Variants in GAS2 observed in about 807,000 individuals in gnomAD.
GAS2 encodes the protein growth arrest specific 2.
In GAS2, 20 loss-of-function variants were observed where a neutral mutation model predicts 37.5. The observed-to-expected ratio is 0.53, with a 90% CI of 0.37 to 0.77. The LOEUF (loss-of-function observed/expected upper bound fraction) is 0.77, where lower values mean the gene tolerates loss of function less well. Among genes scored for constraint, GAS2 ranks in the 30% least tolerant of loss-of-function variants. GAS2 has a pLI of 0.00. For synonymous variants in GAS2, 144 were observed against 132.2 expected (o/e 1.09, Z -0.61); for missense variants, 336 against 373.4 (o/e 0.90, Z 0.82).
intron 3 of GAS2, among the ~76,000 whole-genome samples, chr11:22,696,794 GT>G (rs1312553707): frequency 6.6e-6 from 1 of 151,822 alleles, no homozygotes; most frequent in Non-Finnish European, 1.5e-5. Flanking sequence ...GGAGTTGTTT[GT>G]TTTTTTCTTG....
rs146140003 is a variant in GAS2, at chr11:22,685,750, G to T, written c.228G>T (p.Glu76Asp). Residue 76 changes from glutamate (E) to aspartate (D), a missense_variant, in exon 3 of 8, where the codon GAG (glutamate) becomes GAT (aspartate). Transcript: ENST00000454584. ...LLCQLAETMQ[E>D]KFKESMDANK... is the part of the protein sequence containing the mutation. ...GTCAACTTGCAGAAACTATGCAGGA[G>T]AAATTCAAGGAGAGCATGGATGCTA... 46 of 1,613,664 alleles carry T rather than the reference G, an allele frequency of 2.9e-5. No homozygotes were observed. The African/African-American group carries it at 6.0e-4, about 21-fold the overall frequency.
chr11:22,797,762 C>T (rs1279768629), intron 7 of GAS2, among the ~76,000 whole-genome samples: 1 of 152,050 alleles, frequency 6.6e-6, no homozygotes, highest in Non-Finnish European at 1.5e-5. Context: ...GGGCTAAGCA[C>T]GCTGGCTGCT....
intron 4 of GAS2, among the ~76,000 whole-genome samples, chr11:22,732,777 A>T (rs61360217): frequency 0.015 from 1,585 of 105,768 alleles, 23 homozygotes; most frequent in African/African-American, 0.049. Context: ...ATTTATCATC[A>T]TCATCATCAT....
Position 22,789,431 on chromosome 11 carries a change from T to TAA in GAS2, c.724-22366_724-22365insAA, listed in dbSNP as rs1328190094. 3.3e-3 allele frequency among the ~76,000 whole-genome samples: 299 copies of TAA among 90,838 alleles called. 21 individuals carry two copies. Among genetic ancestry groups the TAA allele is most frequent in the African/African-American group, 5.4e-3 (130 of 24,028 alleles). 59.6% of individuals were successfully genotyped at this position (90,838 alleles called of 152,430 possible). A position where few individuals can be genotyped will look rare whatever the true frequency, so the allele number is the denominator to read the frequency against. On this transcript the variant is annotated intron_variant, in intron 7 of 7. Transcript: ENST00000454584. Reference sequence around the variant, plus strand: ...GTGTGTGTATCTCATATGAGATATATATATATATATATATATATATATATT... The same window carrying TAA: ...GTGTGTGTATCTCATATGAGATATATAAATATATATATATATATATATATATT...
chr11:22,800,717 C>T lies in GAS2; in HGVS notation c.724-11081C>T, dbSNP rs569960050. Among the ~76,000 whole-genome samples, 11 of 152,052 alleles carry T rather than the reference C, an allele frequency of 7.2e-5. No individual in the cohort carries two copies. In the East Asian group the frequency reaches 7.7e-4, roughly 11 times the overall value. ...GCGATGACACCTGACACATTTCATA[C>T]GAATTACGATTTCAAACAGACAGGG... On this transcript the variant is annotated intron_variant, in intron 7 of 7. Transcript: ENST00000454584.
chr11:22,686,367 CAA>C (rs887197745), intron 3 of GAS2, among the ~76,000 whole-genome samples: 1 of 151,322 alleles, frequency 6.6e-6, no homozygotes, highest in African/African-American at 2.4e-5. Context: ...TTGAAGAAAA[CAA>C]GAGAGATTGT....
intron 1 of GAS2, among the ~76,000 whole-genome samples, chr11:22,642,140 A>G (rs915182258): frequency 2.0e-5 from 3 of 152,158 alleles, no homozygotes; most frequent in African/African-American, 4.8e-5. Flanking sequence ...TTATAAAGCA[A>G]TGTAGAGAAT....
At chr11:22,780,797 A>G (rs576439835) in intron 7 of GAS2, among the ~76,000 whole-genome samples, 16 of 152,182 alleles carry the variant, frequency 1.1e-4, no homozygotes, top group Admixed American at 2.0e-4. Flanking sequence ...AGGCAAAAAA[A>G]TGGAGAAAAA....
At chr11:22,735,078 C>G (rs913675649) in intron 4 of GAS2, among the ~76,000 whole-genome samples, 1 of 151,692 alleles carries the variant, frequency 6.6e-6, no homozygotes, top group African/African-American at 2.4e-5. Flanking sequence ...ACCCCTATCA[C>G]CACCACCACA....
chr11:22,796,142 C>T (rs7928079), intron 7 of GAS2, among the ~76,000 whole-genome samples: 3,183 of 152,236 alleles, frequency 0.021, 119 homozygotes, highest in African/African-American at 0.071. Flanking sequence ...CCTTCAGTCT[C>T]CTGCTGTGAT....
chr11:22,672,959 A>T (rs1993965), intron 1 of GAS2, among the ~76,000 whole-genome samples: 93,150 of 149,686 alleles, frequency 0.62, 30,162 homozygotes, highest in East Asian at 0.83. Flanking sequence ...CCATAATGAC[A>T]ATCTAATAAT....
chr11:22,666,037 G>C (rs1848979254), upstream of GAS2, among the ~76,000 whole-genome samples: 4 of 152,224 alleles, frequency 2.6e-5, no homozygotes, highest in Admixed American at 2.6e-4. Flanking sequence ...CTCAGCAAGC[G>C]GTCCCCGCGC....
chr11:22,781,411 T>C (rs1855550591), intron 7 of GAS2, among the ~76,000 whole-genome samples: 1 of 152,204 alleles, frequency 6.6e-6, no homozygotes, highest in Admixed American at 6.5e-5. Context: ...AAGCAGGTCA[T>C]GTATGAGTGC....
intron 7 of GAS2, among the ~76,000 whole-genome samples, chr11:22,787,486 G>T (rs1040121497): frequency 6.7e-6 from 1 of 150,314 alleles, no homozygotes; most frequent in Admixed American, 6.7e-5. Context: ...TTGTGTGTAT[G>T]TGTGTATACA....
At chr11:22,728,580 T>A (rs1030440744) in intron 4 of GAS2, among the ~76,000 whole-genome samples, 2 of 151,414 alleles carry the variant, frequency 1.3e-5, no homozygotes, top group Admixed American at 6.6e-5. Context: ...AATTTTTAAG[T>A]CTATAAAAAT....
chr11:22,769,118 TC>T (rs1854842328), intron 7 of GAS2, among the ~76,000 whole-genome samples: 1 of 152,206 alleles, frequency 6.6e-6, no homozygotes. Flanking sequence ...ACATTGCCTG[TC>T]CACCTGGTAG....
In GAS2 at chr11:22,749,258, T is replaced by C. The variant is rs756184936; in HGVS notation, c.612T>C (p.Asp204=). The change falls in exon 6 of 8, where the codon GAT becomes GAC. Residue 204 remains aspartate (D), a synonymous_variant. Coordinates refer to ENST00000454584, the MANE Select transcript of GAS2 (RefSeq NM_001143830.3). ...AGAGTACAGGAAACTTACTGGATGA[T>C]GCAGTAAGTAAAATCAGTCAGACTT... ...GKKSTGNLLD[D]AVKRISEDPP... 4 of 1,610,526 alleles carry C rather than the reference T, an allele frequency of 2.5e-6. No individual in the cohort carries two copies. Among genetic ancestry groups the C allele is most frequent in the East Asian group, 4.5e-5 (2 of 44,770 alleles).
intron 4 of GAS2, among the ~76,000 whole-genome samples, chr11:22,734,898 C>T (rs1409609972): frequency 2.0e-5 from 3 of 151,690 alleles, no homozygotes; most frequent in Non-Finnish European, 4.4e-5. Flanking sequence ...ACCAAAGTCA[C>T]CTTTTTAGTA....
intron 1 of GAS2, among the ~76,000 whole-genome samples, chr11:22,654,452 G>A (rs1397833547): frequency 1.3e-5 from 2 of 150,174 alleles, no homozygotes; most frequent in Non-Finnish European, 2.9e-5. Context: ...CTGGACTGCA[G>A]TGGTGCAATC....
Sources: allele counts gnomAD v4.1 joint callset (sites outside exome capture counted in the v4.1 genomes callset), GRCh38; gene constraint gnomAD v4.1.1; transcripts MANE v1.5; gene names NCBI Gene and HGNC (gene_info 2026-07-23, HGNC 2026-07-21).